Variants in CUX1 observed in about 807,000 individuals in gnomAD.
CUX1 encodes the protein cut like homeobox 1, also known as protein CASP.
In CUX1, 31 loss-of-function variants were observed where a neutral mutation model predicts 158.8. That is an observed-to-expected ratio of 0.20 (90% CI 0.15 to 0.26). The LOEUF (loss-of-function observed/expected upper bound fraction) is 0.26, where lower values mean the gene tolerates loss of function less well. Ranked by LOEUF, CUX1 falls within the 10% of genes least tolerant of loss-of-function variation. CUX1 has a pLI of 1.00. For missense variants in CUX1, 1,589 were observed against 2,014.6 expected (o/e 0.79, Z 4.04); for synonymous variants, 879 against 862.1 (o/e 1.02, Z -0.34).
At chr7:102,281,482 G>C (rs1017027553) in intron 20 of CUX1, among the ~76,000 whole-genome samples, 9 of 152,056 alleles carry the variant, frequency 5.9e-5, no homozygotes, top group Non-Finnish European at 1.2e-4. Context: ...GGCCAACATA[G>C]TGAAACCCTA....
chr7:102,225,599 C>T (rs1361738214), intron 20 of CUX1, among the ~76,000 whole-genome samples: 1 of 152,150 alleles, frequency 6.6e-6, no homozygotes, highest in African/African-American at 2.4e-5. Flanking sequence ...CACAGTGGCT[C>T]CTGCCTGTAA....
At chr7:102,096,534 A>T (rs994187601) in intron 4 of CUX1, among the ~76,000 whole-genome samples, 1 of 152,076 alleles carries the variant, frequency 6.6e-6, no homozygotes, top group African/African-American at 2.4e-5. Context: ...GGAAGACCCT[A>T]TCTTTACCAA....
chr7:102,102,419 G>A (rs1042598231), intron 5 of CUX1, among the ~76,000 whole-genome samples: 20 of 37,072 alleles, frequency 5.4e-4, no homozygotes, highest in African/African-American at 2.9e-3. Flanking sequence ...GCGAGACTCC[G>A]CCTCAAAAAA....
In CUX1 at chr7:102,202,045, C is replaced by G. The variant is rs201472948; in HGVS notation, c.2748C>G (p.Ile916Met). Residue 916 changes from isoleucine to methionine, a missense_variant, in exon 18 of 24, where the codon ATC (isoleucine) becomes ATG (methionine). By Grantham distance (10) the Ile-to-Met change is conservative (BLOSUM62 1). Transcript: ENST00000292535. ...PQNSPLPSSP[I>M]VPMSKPTKPS... ...ACAGCCCCCTGCCATCCTCCCCGAT[C>G]GTGCCCATGTCCAAGCCCACCAAGC... The G allele has an allele frequency of 7.4e-6, 12 of 1,614,128 alleles. 1 individual carries two copies. The highest frequency in any genetic ancestry group is 5.1e-6 in the Non-Finnish European group (6 of 1,180,010).
chr7:101,983,568 C>T (rs775611162), intron 2 of CUX1, among the ~76,000 whole-genome samples: 27 of 152,316 alleles, frequency 1.8e-4, no homozygotes, highest in Middle Eastern at 3.4e-3. Context: ...GTTTACTTGG[C>T]CCATGGTTCT....
intron 8 of CUX1, among the ~76,000 whole-genome samples, chr7:102,131,813 C>T (rs1554497261): frequency 4.6e-5 from 7 of 151,766 alleles, no homozygotes; most frequent in Non-Finnish European, 8.8e-5. Context: ...GCTGGGATTA[C>T]AGGCGCGCAC....
At chr7:102,152,867 G>A (rs1554503961) in intron 8 of CUX1, among the ~76,000 whole-genome samples, 1 of 152,204 alleles carries the variant, frequency 6.6e-6, no homozygotes, top group African/African-American at 2.4e-5. Flanking sequence ...GCAGAGTGTG[G>A]TGTCGTCATT....
Position 102,251,706 on chromosome 7 carries a change from T to C in CUX1, c.*2664T>C. ...AGTGGCAGAGCCCTGACGACTGTGG[T>C]GTCCTCTCCACAAAACCCTCAAGGG... On this transcript the variant is annotated 3_prime_UTR_variant, in exon 24 of 24. Coordinates refer to ENST00000292535, the MANE Select transcript of CUX1 (RefSeq NM_181552.4). 1 of 985,404 alleles carries C rather than the reference T, an allele frequency of 1.0e-6. No homozygotes were observed. Among genetic ancestry groups the C allele is most frequent in the South Asian group, 4.7e-5 (1 of 21,290 alleles). The allele number at this position is 985,404 out of a possible 1,614,324, so 61.0% of individuals were successfully genotyped here. A position where few individuals can be genotyped will look rare whatever the true frequency, so the allele number is the denominator to read the frequency against.
chr7:102,270,280 C>T (rs1791120720), intron 14 of CUX1, among the ~76,000 whole-genome samples: 2 of 152,224 alleles, frequency 1.3e-5, no homozygotes, highest in Admixed American at 6.5e-5. Flanking sequence ...GGGACCCTCC[C>T]GTGGCCGGTG....
chr7:101,820,301 C>T (rs967073999), intron 1 of CUX1, among the ~76,000 whole-genome samples: 1 of 152,168 alleles, frequency 6.6e-6, no homozygotes, highest in East Asian at 1.9e-4. Context: ...TCATACATTT[C>T]GTAAGCAGAG....
intron 1 of CUX1, among the ~76,000 whole-genome samples, chr7:101,819,922 T>C (rs1298195387): frequency 2.6e-5 from 4 of 152,152 alleles, no homozygotes; most frequent in Non-Finnish European, 5.9e-5. Flanking sequence ...GTCCAATACC[T>C]TCAGGAATGA....
chr7:101,966,320 A>T (rs112235358), intron 2 of CUX1, among the ~76,000 whole-genome samples: 4,071 of 144,432 alleles, frequency 0.028, 176 homozygotes, highest in African/African-American at 0.098. Flanking sequence ...TTTTTTTTTT[A>T]AAGGATCCTT....
intron 9 of CUX1, among the ~76,000 whole-genome samples, chr7:102,168,002 C>G (rs1384949705): frequency 6.6e-6 from 1 of 151,654 alleles, no homozygotes; most frequent in Non-Finnish European, 1.5e-5. Flanking sequence ...CGCTTGAACC[C>G]GGGAGGCGGA....
chr7:101,835,024 A>G (rs1265426060), intron 1 of CUX1, among the ~76,000 whole-genome samples: 1 of 139,146 alleles, frequency 7.2e-6, no homozygotes, highest in Non-Finnish European at 1.6e-5. Context: ...AAATAAATAA[A>G]TAAATAAAGT....
At chr7:102,238,614 G>C (rs113671300) in intron 22 of CUX1, among the ~76,000 whole-genome samples, 2 of 151,928 alleles carry the variant, frequency 1.3e-5, no homozygotes, top group East Asian at 3.9e-4. Context: ...TTGTGTCCTC[G>C]GTCTCTTGCC....
intron 11 of CUX1, chr7:102,188,885 CT>C (rs1470680417): frequency 7.3e-5 from 11 of 151,716 alleles, no homozygotes; most frequent in African/African-American, 2.2e-4. Flanking sequence ...CCCCAGTGAG[CT>C]CACAGACCTT....
intron 8 of CUX1, among the ~76,000 whole-genome samples, chr7:102,126,559 C>G (rs573333981): frequency 1.3e-5 from 2 of 151,956 alleles, no homozygotes; most frequent in Non-Finnish European, 2.9e-5. Flanking sequence ...TTGTAAATAC[C>G]TTAAGTCTAA....
rs1471768750 is a variant in CUX1, at chr7:102,218,315, A to G, written c.3131-9052A>G. Reference sequence around the variant, plus strand: ...GTGGAAAGCTCAGGTCCCATCTTCAAGTAACTTAGAAGTCAGGTTTGGGGA... The same window carrying G: ...GTGGAAAGCTCAGGTCCCATCTTCAGGTAACTTAGAAGTCAGGTTTGGGGA... On this transcript the variant is annotated intron_variant, in intron 20 of 23. Transcript: ENST00000292535. Among the ~76,000 whole-genome samples, 4 of 152,224 alleles carry G rather than the reference A, an allele frequency of 2.6e-5. 1 individual carries two copies. Among genetic ancestry groups the G allele is most frequent in the South Asian group, 4.1e-4 (2 of 4,838 alleles).
rs1014005431 is a variant in CUX1, at chr7:102,252,710, A to G, written c.*3668A>G. 3 of 985,354 alleles carry G rather than the reference A, an allele frequency of 3.0e-6. No individual in the cohort carries two copies. Among genetic ancestry groups the G allele is most frequent in the Non-Finnish European group, 3.6e-6 (3 of 829,972 alleles). 61.0% of individuals were successfully genotyped at this position (985,354 alleles called of 1,614,324 possible). Reference sequence around the variant, plus strand: ...CCTGTGCCCAACTCACTTCCACCCCAGAGGAGTCTTCTGTCCTCCTCCCCA... The same window carrying G: ...CCTGTGCCCAACTCACTTCCACCCCGGAGGAGTCTTCTGTCCTCCTCCCCA... On this transcript the variant is annotated 3_prime_UTR_variant, in exon 24 of 24. Coordinates refer to ENST00000292535, the MANE Select transcript of CUX1 (RefSeq NM_181552.4).
Sources: gnomAD v4.1 joint callset for allele counts (sites outside exome capture counted in the v4.1 genomes callset) on GRCh38, gnomAD v4.1.1 for gene constraint, MANE v1.5 for transcripts, NCBI Gene and HGNC (gene_info 2026-07-23, HGNC 2026-07-21) for gene names.